Variants in APBB2 observed in about 807,000 individuals in gnomAD.
The protein encoded by APBB2 is amyloid beta precursor protein binding family B member 2.
Under a neutral mutation model 82.5 loss-of-function variants are expected in APBB2, and 38 were observed. The ratio of observed to expected loss-of-function variants is 0.46; its 90% CI spans 0.36 to 0.60. The LOEUF (loss-of-function observed/expected upper bound fraction) is 0.60, where lower values mean the gene tolerates loss of function less well. Among genes scored for constraint, APBB2 ranks in the 20% least tolerant of loss-of-function variants. The probability of loss-of-function intolerance (pLI) is 0.00; values close to 1 mark genes in which losing one functional copy is unlikely to be tolerated. For synonymous variants in APBB2, 341 were observed against 368.2 expected, an observed-to-expected ratio of 0.93 and a Z score of 0.85; for missense variants, 772 against 972.3, an observed-to-expected ratio of 0.79 and a Z score of 2.74.
chr4:40,927,563 C>T (rs547821797), intron 10 of APBB2, among the ~76,000 whole-genome samples: 1 of 152,306 alleles, frequency 6.6e-6, no homozygotes, highest in African/African-American at 2.4e-5. Context: ...TCACTGTAGC[C>T]TCGACCTCCT....
At chr4:41,059,993 A>AAAAT (rs1560642020) in intron 4 of APBB2, among the ~76,000 whole-genome samples, 1 of 151,332 alleles carries the variant, frequency 6.6e-6, no homozygotes, top group Non-Finnish European at 1.5e-5. Context: ...AAAAAAAATA[A>AAAAT]AATAATAATA....
intron 7 of APBB2, among the ~76,000 whole-genome samples, chr4:40,937,312 A>C (rs558029113): frequency 1.3e-5 from 2 of 152,348 alleles, no homozygotes; most frequent in South Asian, 4.1e-4. Flanking sequence ...GTAAAAGAAG[A>C]GTATTTTCTA....
chr4:40,815,628 T>C lies in APBB2; in HGVS notation c.*464A>G, dbSNP rs1745392658. 6.5e-6 allele frequency: 1 copy of C among 153,920 alleles called. No homozygotes were observed. The allele number at this position is 153,920 out of a possible 1,614,324, so 9.5% of individuals were successfully genotyped here. ...ACTCGCCATCCTATTTTTACAGCAA[T>C]TCAATGGTATCTGCTATGCAGTGCC... On this transcript the variant is annotated 3_prime_UTR_variant, in exon 18 of 18. Coordinates refer to ENST00000508593, the MANE Select transcript of APBB2 (RefSeq NM_004307.2).
At chr4:40,957,455 A>G (rs984541250) in intron 6 of APBB2, among the ~76,000 whole-genome samples, 17 of 152,218 alleles carry the variant, frequency 1.1e-4, no homozygotes, top group African/African-American at 3.6e-4. Flanking sequence ...TTTCATTAGC[A>G]CGTGGCTGTT....
chr4:41,014,165 C>T lies in APBB2; in HGVS notation c.253G>A (p.Ala85Thr). 1.2e-6 allele frequency: 2 copies of T among 1,614,244 alleles called. No individual in the cohort carries two copies. Among genetic ancestry groups the T allele is most frequent in the South Asian group, 2.2e-5 (2 of 91,088 alleles). ...CCATTTCCCAGCAGGGGCTGTGCAGCTGGATCCGAGAGGCCCATGGCCGCC... is the reference window on the plus strand; with the variant it reads ...CCATTTCCCAGCAGGGGCTGTGCAGTTGGATCCGAGAGGCCCATGGCCGCC... ...IQAAMGLSDPAAQPLLGNGSA... is the reference protein window; with the variant it reads ...IQAAMGLSDPTAQPLLGNGSA... Residue 85 changes from alanine to threonine, a missense_variant, in exon 6 of 18, where the codon GCT (alanine) becomes ACT (threonine). By Grantham distance (58) the Ala-to-Thr change is moderately conservative (BLOSUM62 0). Transcript: ENST00000508593.
At chr4:40,960,337 A>G (rs972758767) in intron 6 of APBB2, among the ~76,000 whole-genome samples, 3 of 152,186 alleles carry the variant, frequency 2.0e-5, no homozygotes, top group African/African-American at 7.2e-5. Flanking sequence ...CAGTCAATAA[A>G]TAACACAAGA....
At chr4:40,994,853 G>A (rs1803194066) in intron 6 of APBB2, among the ~76,000 whole-genome samples, 1 of 148,382 alleles carries the variant, frequency 6.7e-6, no homozygotes, top group Non-Finnish European at 1.5e-5. Flanking sequence ...GAAAAAGGAA[G>A]GAAGGAGAGA....
intron 3 of APBB2, among the ~76,000 whole-genome samples, chr4:41,074,617 T>A (rs60497962): frequency 0.056 from 8,096 of 144,418 alleles, 533 homozygotes; most frequent in African/African-American, 0.16. Context: ...TATTTTTTTT[T>A]TTTTTTTTTT....
chr4:40,947,433 T>C (rs1347292249), intron 6 of APBB2, among the ~76,000 whole-genome samples: 1 of 152,220 alleles, frequency 6.6e-6, no homozygotes, highest in African/African-American at 2.4e-5. Context: ...TATCAAAATA[T>C]GACACCATGT....
chr4:40,886,605 G>A (rs1156939514), intron 12 of APBB2, among the ~76,000 whole-genome samples: 2 of 152,202 alleles, frequency 1.3e-5, no homozygotes, highest in Admixed American at 1.3e-4. Flanking sequence ...CCGGAAGTTA[G>A]CACAGGTCCC....
At chr4:41,118,061 A>AG (rs1234220944) in intron 2 of APBB2, 3 of 151,774 alleles carry the variant, frequency 2.0e-5, no homozygotes, top group Non-Finnish European at 4.4e-5. Context: ...AACAAAAAAA[A>AG]AAATTAGCCA....
chr4:40,925,234 A>T (rs1354818727), intron 10 of APBB2, among the ~76,000 whole-genome samples: 1 of 152,244 alleles, frequency 6.6e-6, no homozygotes, highest in Non-Finnish European at 1.5e-5. Flanking sequence ...TAGTAGGAAC[A>T]GTATAATGGC....
intron 10 of APBB2, among the ~76,000 whole-genome samples, chr4:40,928,779 G>A (rs1233353592): frequency 2.7e-5 from 4 of 150,718 alleles, no homozygotes; most frequent in South Asian, 4.2e-4. Context: ...CAGCTACTCG[G>A]CAGGCAGGGG....
chr4:41,168,085 A>G (rs185219603), intron 1 of APBB2, among the ~76,000 whole-genome samples: 33 of 152,162 alleles, frequency 2.2e-4, no homozygotes, highest in African/African-American at 7.5e-4. Context: ...CCTGGCTAAC[A>G]TGGTGAAACC....
chr4:40,991,541 A>G (rs1002845213), intron 6 of APBB2, among the ~76,000 whole-genome samples: 2 of 151,772 alleles, frequency 1.3e-5, no homozygotes, highest in African/African-American at 2.4e-5. Context: ...GTACAGGGGG[A>G]AAAAAAACCT....
chr4:40,931,100 T>C (rs4861336), intron 10 of APBB2, among the ~76,000 whole-genome samples: 89,910 of 151,844 alleles, frequency 0.59, 26,642 homozygotes, highest in Middle Eastern at 0.66. Context: ...ACTTGGTTCC[T>C]TGGTTCTTGG....
chr4:41,178,192 C>G (rs927791781), intron 1 of APBB2, among the ~76,000 whole-genome samples: 1 of 152,128 alleles, frequency 6.6e-6, no homozygotes, highest in East Asian at 1.9e-4. Flanking sequence ...AACATCAAGA[C>G]AATTCCAAGT....
intron 6 of APBB2, among the ~76,000 whole-genome samples, chr4:40,952,689 T>C (rs1029853872): frequency 6.6e-6 from 1 of 152,200 alleles, no homozygotes; most frequent in African/African-American, 2.4e-5. Context: ...TTTTCATACA[T>C]ATCGCTGCAT....
At chr4:40,993,415 C>G (rs1365748779) in intron 6 of APBB2, among the ~76,000 whole-genome samples, 1 of 145,138 alleles carries the variant, frequency 6.9e-6, no homozygotes, top group Non-Finnish European at 1.5e-5. Flanking sequence ...ACAGGGTTAC[C>G]CTTTGTCTCC....
Sources: gnomAD v4.1 joint callset for allele counts (sites outside exome capture counted in the v4.1 genomes callset) on GRCh38, gnomAD v4.1.1 for gene constraint, MANE v1.5 for transcripts, NCBI Gene and HGNC (gene_info 2026-07-23, HGNC 2026-07-21) for gene names.